Variants in ARHGEF11 observed in about 807,000 individuals in gnomAD.
The protein encoded by ARHGEF11 is Rho guanine exchange factor (GEF) 11.
In ARHGEF11, 55 loss-of-function variants were observed where a neutral mutation model predicts 193.7. The observed-to-expected ratio is 0.28, with a 90% CI of 0.23 to 0.36. The LOEUF is 0.36. ARHGEF11 is among the 10% of genes least tolerant of loss of function. The probability of loss-of-function intolerance (pLI) is 1.00; values close to 1 mark genes in which losing one functional copy is unlikely to be tolerated. For missense variants in ARHGEF11, 1,723 were observed against 2,005.6 expected, an observed-to-expected ratio of 0.86 and a Z score of 2.69; for synonymous variants, 693 against 768.0, an observed-to-expected ratio of 0.90 and a Z score of 1.62.
At chr1:157,042,488 C>A (rs1020397658) in intron 1 of ARHGEF11, among the ~76,000 whole-genome samples, 1 of 152,168 alleles carries the variant, frequency 6.6e-6, no homozygotes, top group Admixed American at 6.5e-5. Flanking sequence ...CTGCCACTAG[C>A]CAGGCAAGAT....
intron 11 of ARHGEF11, 178 bp from the exon 12 acceptor site, chr1:156,963,772 C>A: frequency 1.4e-6 from 2 of 1,428,812 alleles, no homozygotes; most frequent in Non-Finnish European, 1.8e-6. Flanking sequence ...TTTCCACTTG[C>A]AGGAAGTCAA....
chr1:156,976,294 C>A (rs140335548), intron 7 of ARHGEF11, among the ~76,000 whole-genome samples: 2 of 152,128 alleles, frequency 1.3e-5, no homozygotes, highest in Admixed American at 1.3e-4. Flanking sequence ...GAAATACTAT[C>A]CTCTCTGTGA....
At chr1:156,938,306 C>T in intron 38 of ARHGEF11, 112 bp downstream of exon 38, 1 of 952,880 alleles carries the variant, frequency 1.0e-6, no homozygotes, top group African/African-American at 1.7e-5. Flanking sequence ...TTCCAGGCAG[C>T]TGAGGGAGCT....
chr1:157,000,538 T>C (rs1667086155), intron 1 of ARHGEF11, among the ~76,000 whole-genome samples: 3 of 152,172 alleles, frequency 2.0e-5, no homozygotes, highest in Non-Finnish European at 4.4e-5. Context: ...AGTGTGTCAT[T>C]TGGCCCAGAA....
At position 156,948,789 on chromosome 1, in the gene ARHGEF11, C is replaced by T. The variant is rs1312787882; in HGVS notation, c.1926-291G>A. ...ACAGGAAGATGAAATCTGGGGCTAA[C>T]AGACTCTGAGTTGTAGTGTGTCCAG... On this transcript the variant is annotated intron_variant, in intron 22 of 40. Transcript: ENST00000368194. The surrounding 1 kb of genome is among the most constrained non-coding windows in gnomAD (Gnocchi z 4.2). The T allele has an allele frequency of 6.1e-6, 6 of 985,316 alleles. No individual in the cohort carries two copies. Among genetic ancestry groups the T allele is most frequent in the Non-Finnish European group, 7.2e-6 (6 of 829,944 alleles). 61.0% of individuals were successfully genotyped at this position (985,316 alleles called of 1,614,324 possible). A position where few individuals can be genotyped will look rare whatever the true frequency, so the allele number is the denominator to read the frequency against.
chr1:156,972,663 T>C (rs903459207), intron 7 of ARHGEF11, among the ~76,000 whole-genome samples: 1 of 152,190 alleles, frequency 6.6e-6, no homozygotes, highest in Non-Finnish European at 1.5e-5. Flanking sequence ...AAATTCCCCA[T>C]ACTTAATATT....
intron 11 of ARHGEF11, among the ~76,000 whole-genome samples, chr1:156,965,570 T>A: frequency 6.6e-6 from 1 of 152,218 alleles, no homozygotes; most frequent in Non-Finnish European, 1.5e-5. Context: ...ACCTGTCCGA[T>A]CCTTTTCCCC....
At position 156,941,519 on chromosome 1, in the gene ARHGEF11, G is replaced by A. The variant is rs1399078171; in HGVS notation, c.3453-86C>T. On this transcript the variant is annotated intron_variant, in intron 34 of 40. Coordinates refer to ENST00000368194, the MANE Select transcript of ARHGEF11 (RefSeq NM_198236.3). Reference sequence around the variant, plus strand: ...TAGAATGGGCAATGGAGTAGGATCCGAGAAGGACGGTGTGGGCCTCTTCAC... The same window carrying A: ...TAGAATGGGCAATGGAGTAGGATCCAAGAAGGACGGTGTGGGCCTCTTCAC... The A allele has an allele frequency of 4.1e-6, 6 of 1,445,996 alleles. No homozygotes were observed. The African/African-American group carries it at 5.6e-5, about 14-fold the overall frequency. The allele number at this position is 1,445,996 out of a possible 1,614,324, so 89.6% of individuals were successfully genotyped here.
chr1:157,019,237 CCAAA>C (rs1397460381), intron 1 of ARHGEF11, among the ~76,000 whole-genome samples: 3 of 151,788 alleles, frequency 2.0e-5, no homozygotes, highest in Non-Finnish European at 4.4e-5. Context: ...GATAAAAGAC[CCAAA>C]CAAATACTTC....
At chr1:157,046,083 C>A (rs1176482512), upstream of ARHGEF11, among the ~76,000 whole-genome samples, 1 of 151,202 alleles carries the variant, frequency 6.6e-6, no homozygotes, top group Admixed American at 6.6e-5. Flanking sequence ...TTTGCCGTCG[C>A]TCCTCGGCCG....
intron 1 of ARHGEF11, among the ~76,000 whole-genome samples, chr1:157,026,296 C>T (rs1670628650): frequency 6.6e-6 from 1 of 152,224 alleles, no homozygotes; most frequent in South Asian, 2.1e-4. Context: ...TTCTGTGCTT[C>T]CTATTTTATT....
At chr1:157,035,778 A>C (rs1671855102) in intron 1 of ARHGEF11, among the ~76,000 whole-genome samples, 1 of 117,620 alleles carries the variant, frequency 8.5e-6, no homozygotes, top group Non-Finnish European at 1.9e-5. Context: ...ATATACAGGA[A>C]TATATATATA....
intron 1 of ARHGEF11, among the ~76,000 whole-genome samples, chr1:157,023,024 T>C (rs946495128): frequency 6.6e-6 from 1 of 152,214 alleles, no homozygotes; most frequent in African/African-American, 2.4e-5. Context: ...ATAGACTATA[T>C]GAGTTAAACT....
intron 20 of ARHGEF11, 51 bp from the exon 21 acceptor site, chr1:156,954,972 T>C: frequency 1.3e-6 from 2 of 1,505,650 alleles, no homozygotes; most frequent in Non-Finnish European, 1.8e-6. Flanking sequence ...AGTCAATCAA[T>C]GTTTTAAGAA....
In ARHGEF11 at chr1:157,044,616, A is replaced by G; in HGVS notation, c.-286T>C. On this transcript the variant is annotated 5_prime_UTR_variant, in exon 1 of 41. Transcript: ENST00000368194. ...AAAGAGGAAAAACTACGACCTTCTC[A>G]GAAACCAAAAACCCAGCCACGAATC... 2.0e-6 allele frequency: 1 copy of G among 494,066 alleles called. No homozygotes were observed. Among genetic ancestry groups the G allele is most frequent in the Non-Finnish European group, 3.6e-6 (1 of 280,058 alleles). The allele number at this position is 494,066 out of a possible 1,614,324, so 30.6% of individuals were successfully genotyped here.
chr1:157,039,401 A>C (rs1283951579), intron 1 of ARHGEF11, among the ~76,000 whole-genome samples: 1 of 152,222 alleles, frequency 6.6e-6, no homozygotes, highest in African/African-American at 2.4e-5. Context: ...CTGCTAACAA[A>C]GCTGGCTCCA....
At position 156,963,540 on chromosome 1, in the gene ARHGEF11, G is replaced by A. The variant is rs938909569; in HGVS notation, c.1018C>T (p.Pro340Ser). The A allele has an allele frequency of 6.2e-7, 1 of 1,613,998 alleles. No homozygotes were observed. The highest frequency in any genetic ancestry group is 8.5e-7 in the Non-Finnish European group (1 of 1,179,966). Reference sequence around the variant, plus strand: ...GTTACCTCGTTGTTGAAATAACCCGGGTCATAGTCTTCCTCTGGGCCAATA... The same window carrying A: ...GTTACCTCGTTGTTGAAATAACCCGAGTCATAGTCTTCCTCTGGGCCAATA... Reference protein sequence around the residue: ...LIIGPEEDYDPGYFNNESDII... With the variant: ...LIIGPEEDYDSGYFNNESDII... Residue 340 changes from proline to serine, a missense_variant, in exon 12 of 41, where the codon CCG becomes TCG. Transcript: ENST00000368194.
intron 11 of ARHGEF11, among the ~76,000 whole-genome samples, chr1:156,964,831 A>G (rs1017597008): frequency 4.6e-5 from 7 of 152,114 alleles, no homozygotes; most frequent in African/African-American, 1.7e-4. Context: ...AGAGCCCCAG[A>G]AGGTGGTGGG....
intron 1 of ARHGEF11, among the ~76,000 whole-genome samples, chr1:157,023,450 C>T (rs2102927803): frequency 6.6e-6 from 1 of 152,178 alleles, no homozygotes; most frequent in East Asian, 1.9e-4. Flanking sequence ...TACTTTATGC[C>T]CACTGTCCAG....
Sources: allele counts gnomAD v4.1 joint callset (sites outside exome capture counted in the v4.1 genomes callset), GRCh38; gene constraint gnomAD v4.1.1; non-coding constraint Gnocchi (gnomAD v3.1); transcripts MANE v1.5; gene names NCBI Gene and HGNC (gene_info 2026-07-23, HGNC 2026-07-21).